The following ELP4 variants were observed in gnomAD, a reference collection of about 807,000 sequenced individuals.
ELP4 encodes elongator acetyltransferase complex subunit 4, also known as elongator complex protein 4.
Under a neutral mutation model 48.9 loss-of-function variants are expected in ELP4, and 51 were observed. The ratio of observed to expected loss-of-function variants is 1.04; its 90% confidence interval spans 0.83 to 1.32. The LOEUF (loss-of-function observed/expected upper bound fraction) is 1.32. ELP4 is among the 40% of genes most tolerant of loss of function. The probability of loss-of-function intolerance (pLI) is 0.00; values close to 1 mark genes in which losing one functional copy is unlikely to be tolerated. For missense variants in ELP4, 519 were observed against 514.6 expected, an observed-to-expected ratio of 1.01 and a Z score of -0.08; for synonymous variants, 210 against 189.2, an observed-to-expected ratio of 1.11 and a Z score of -0.90.
chr11:31,630,943 CA>C (rs1004515046), intron 6 of ELP4, among the ~76,000 whole-genome samples: 34 of 148,556 alleles, frequency 2.3e-4, no homozygotes, highest in Non-Finnish European at 3.7e-4. Context: ...GACACTGTCT[CA>C]AAAAAAAAGA....
At chr11:31,569,661 G>T (rs754802843) in intron 3 of ELP4, among the ~76,000 whole-genome samples, 3 of 152,156 alleles carry the variant, frequency 2.0e-5, no homozygotes, top group Non-Finnish European at 4.4e-5. Flanking sequence ...GGGAGGCGGA[G>T]GTTGCAATGA....
intron 3 of ELP4, among the ~76,000 whole-genome samples, chr11:31,554,760 CCA>C (rs1490453675): frequency 1.3e-5 from 2 of 152,070 alleles, no homozygotes; most frequent in Non-Finnish European, 2.9e-5. Flanking sequence ...TCACAACTAC[CCA>C]CTCTGCTGTC....
intron 1 of ELP4, among the ~76,000 whole-genome samples, chr11:31,513,834 G>A (rs1956055625): frequency 6.6e-6 from 1 of 152,150 alleles, no homozygotes; most frequent in Admixed American, 6.5e-5. Flanking sequence ...ACTGGCATTT[G>A]CAAGATCTTA....
intron 5 of ELP4, among the ~76,000 whole-genome samples, chr11:31,613,821 G>T (rs1592159712): frequency 6.7e-6 from 1 of 148,322 alleles, no homozygotes. Flanking sequence ...CAATTCTCCT[G>T]CCTCGGCCTC....
rs564154341 is a variant in ELP4, at chr11:31,609,852, A to T, written c.653+5945A>T. Among the ~76,000 whole-genome samples, 151 of 152,236 alleles carry T rather than the reference A, an allele frequency of 9.9e-4. 1 individual carries two copies. The highest frequency in any genetic ancestry group is 3.3e-3 in the African/African-American group (139 of 41,546). On this transcript the variant is annotated intron_variant, in intron 5 of 9. Transcript: ENST00000640961. Reference sequence around the variant, plus strand: ...GGATTTCAAGACCAGCCTGGGCAACATAGTGAGACCCTGTCTCTACAAAAA... The same window carrying T: ...GGATTTCAAGACCAGCCTGGGCAACTTAGTGAGACCCTGTCTCTACAAAAA...
chr11:31,772,152 C>G (rs1948159383), intron 9 of ELP4, among the ~76,000 whole-genome samples: 1 of 135,134 alleles, frequency 7.4e-6, no homozygotes, highest in African/African-American at 2.8e-5. Context: ...ATAAGTCTTG[C>G]TCTGTCACCC....
chr11:31,676,303 CTCT>C (rs1470941926), intron 9 of ELP4, among the ~76,000 whole-genome samples: 2 of 152,164 alleles, frequency 1.3e-5, no homozygotes, highest in Non-Finnish European at 2.9e-5. Flanking sequence ...GGTTTCCTGA[CTCT>C]TCTTTTCCAA....
chr11:31,609,278 G>C (rs1193037941), intron 5 of ELP4, among the ~76,000 whole-genome samples: 3 of 152,136 alleles, frequency 2.0e-5, no homozygotes, highest in Non-Finnish European at 4.4e-5. Flanking sequence ...ATCTCGTTGG[G>C]CTTTATTTTT....
At chr11:31,683,714 ATT>A (rs907005035) in intron 9 of ELP4, among the ~76,000 whole-genome samples, 19 of 152,208 alleles carry the variant, frequency 1.2e-4, no homozygotes, top group African/African-American at 4.3e-4. Flanking sequence ...AAAATAAGAC[ATT>A]GTTTCTATTT....
intron 9 of ELP4, among the ~76,000 whole-genome samples, chr11:31,661,780 CAA>C (rs2134091234): frequency 6.6e-6 from 1 of 152,006 alleles, no homozygotes; most frequent in Non-Finnish European, 1.5e-5. Flanking sequence ...AAACAACCTT[CAA>C]AAAATATCAG....
intron 9 of ELP4, among the ~76,000 whole-genome samples, chr11:31,658,230 T>C (rs1172888010): frequency 6.6e-6 from 1 of 151,364 alleles, no homozygotes; most frequent in Non-Finnish European, 1.5e-5. Context: ...GTTAATGTGA[T>C]ATATATATAT....
In ELP4 at chr11:31,539,646, C is replaced by T; in HGVS notation, c.260-16C>T. On this transcript the variant is annotated splice_polypyrimidine_tract_variant and intron_variant, in intron 2 of 9. Coordinates refer to ENST00000640961, the MANE Select transcript of ELP4 (RefSeq NM_019040.5). ...TCTTGCTATATGTTTCTAACTGCAA[C>T]TTTTCCTTTTTACAGAGGAGGATAA... The T allele has an allele frequency of 6.3e-7, 1 of 1,590,158 alleles. No homozygotes were observed. Among genetic ancestry groups the T allele is most frequent in the Non-Finnish European group, 8.5e-7 (1 of 1,169,918 alleles).
chr11:31,529,699 A>AG (rs922706415), intron 2 of ELP4, among the ~76,000 whole-genome samples: 4 of 152,200 alleles, frequency 2.6e-5, no homozygotes, highest in African/African-American at 9.7e-5. Context: ...TAGGAAAAGG[A>AG]GGGGGGCCTG....
chr11:31,762,505 C>T (rs1947964493), intron 9 of ELP4, among the ~76,000 whole-genome samples: 1 of 151,938 alleles, frequency 6.6e-6, no homozygotes, highest in African/African-American at 2.4e-5. Context: ...AAAATAAAGA[C>T]TTTCTACAAT....
At chr11:31,759,530 C>T (rs1947901547) in intron 9 of ELP4, among the ~76,000 whole-genome samples, 1 of 152,090 alleles carries the variant, frequency 6.6e-6, no homozygotes, top group South Asian at 2.1e-4. Context: ...TCCCAAGCTC[C>T]CAAAAACATA....
chr11:31,520,103 A>G lies in ELP4; in HGVS notation c.259+12A>G. On this transcript the variant is annotated intron_variant, in intron 2 of 9. Coordinates refer to ENST00000640961, the MANE Select transcript of ELP4 (RefSeq NM_019040.5). ...AGTTCTTCTAATTGGTTAGTACAAAATACATGCTTTGCTCTCCTCTATCAT... is the reference window on the plus strand; with the variant it reads ...AGTTCTTCTAATTGGTTAGTACAAAGTACATGCTTTGCTCTCCTCTATCAT... 6.2e-7 allele frequency: 1 copy of G among 1,607,848 alleles called. No homozygotes were observed. The highest frequency in any genetic ancestry group is 1.3e-5 in the African/African-American group (1 of 74,852).
intron 3 of ELP4, among the ~76,000 whole-genome samples, chr11:31,560,718 A>ATATATATATAAAACAACGTTGTTTTG (rs1565053720): frequency 6.1e-5 from 9 of 148,688 alleles, no homozygotes; most frequent in African/African-American, 1.5e-4. Flanking sequence ...ACGTTGTTTT[A>ATATATATATAAAACAACGTTGTTTTG]TATATATATA....
intron 3 of ELP4, among the ~76,000 whole-genome samples, chr11:31,581,726 G>A (rs1287865141): frequency 6.7e-6 from 1 of 148,280 alleles, no homozygotes; most frequent in Non-Finnish European, 1.5e-5. Flanking sequence ...TCCTCTAAAT[G>A]TTTTCTTTTT....
chr11:31,766,552 A>G (rs900877027), intron 9 of ELP4, among the ~76,000 whole-genome samples: 1 of 152,094 alleles, frequency 6.6e-6, no homozygotes, highest in African/African-American at 2.4e-5. Flanking sequence ...ATTTTACAAC[A>G]TGATCAATGA....
Sources: gnomAD v4.1 joint callset for allele counts (sites outside exome capture counted in the v4.1 genomes callset) on GRCh38, gnomAD v4.1.1 for gene constraint, MANE v1.5 for transcripts, NCBI Gene and HGNC (gene_info 2026-07-23, HGNC 2026-07-21) for gene names.